The following UGT1A10 variants were observed in gnomAD, a reference collection of about 807,000 sequenced individuals.
The protein encoded by UGT1A10 is UDP-glucuronosyltransferase 1A10.
Under a neutral mutation model 45.8 loss-of-function variants are expected in UGT1A10, and 49 were observed. That is an observed-to-expected ratio of 1.07 (90% confidence interval 0.85 to 1.36). UGT1A10 has a LOEUF of 1.36. Ranked by LOEUF, UGT1A10 falls within the 40% of genes most tolerant of loss-of-function variation. The pLI is 0.00. For missense variants in UGT1A10, 745 were observed against 668.6 expected, an observed-to-expected ratio of 1.11 and a Z score of -1.26; for synonymous variants, 284 against 249.7, an observed-to-expected ratio of 1.14 and a Z score of -1.29.
chr2:233,743,812 G>C (rs1692526779), intron 1 of UGT1A10: 1 of 1,367,182 alleles, frequency 7.3e-7, no homozygotes, highest in African/African-American at 1.5e-5. Flanking sequence ...TGTTCTCAGG[G>C]TTTTTGTCGG....
At chr2:233,724,792 G>T (rs992945436) in intron 1 of UGT1A10, among the ~76,000 whole-genome samples, 1 of 140,672 alleles carries the variant, frequency 7.1e-6, no homozygotes, top group African/African-American at 2.8e-5. Context: ...CTTCCCAGAC[G>T]GGGTGGCGGC....
chr2:233,647,665 T>C (rs2125472036), intron 1 of UGT1A10, among the ~76,000 whole-genome samples: 1 of 152,336 alleles, frequency 6.6e-6, no homozygotes, highest in Non-Finnish European at 1.5e-5. Flanking sequence ...AAGTTGTAGA[T>C]TTTATTGGCA....
intron 1 of UGT1A10, among the ~76,000 whole-genome samples, chr2:233,742,294 T>C (rs1176827830): frequency 3.3e-5 from 5 of 152,006 alleles, no homozygotes; most frequent in African/African-American, 1.2e-4. Context: ...CTATAGATTA[T>C]AGATTAACTA....
intron 1 of UGT1A10, among the ~76,000 whole-genome samples, chr2:233,702,826 A>G (rs1459451929): frequency 1.3e-5 from 2 of 152,202 alleles, no homozygotes; most frequent in African/African-American, 4.8e-5. Context: ...ATTGTGTTGT[A>G]TAATCCTTTT....
intron 1 of UGT1A10, among the ~76,000 whole-genome samples, chr2:233,730,165 G>A (rs142374428): frequency 8.5e-5 from 13 of 152,274 alleles, no homozygotes; most frequent in East Asian, 3.9e-4. Context: ...CTCTAGTAGC[G>A]TATTTCAGGT....
chr2:233,756,202 C>T (rs540523452), intron 1 of UGT1A10: 9 of 152,318 alleles, frequency 5.9e-5, no homozygotes, highest in African/African-American at 1.7e-4. Flanking sequence ...AGAGTAGTCC[C>T]TGGTATTCTG....
At chr2:233,659,476 G>T (rs1013898851) in intron 1 of UGT1A10, among the ~76,000 whole-genome samples, 1 of 152,114 alleles carries the variant, frequency 6.6e-6, no homozygotes, top group Non-Finnish European at 1.5e-5. Flanking sequence ...AAATTTTAGG[G>T]TTGAGAAAAA....
intron 1 of UGT1A10, among the ~76,000 whole-genome samples, chr2:233,739,930 G>GGGGA (rs1270425861): frequency 6.6e-6 from 1 of 151,694 alleles, no homozygotes; most frequent in Non-Finnish European, 1.5e-5. Context: ...ATCCCCATGT[G>GGGGA]TTAAGGTTGG....
chr2:233,661,644 T>TTTCTTTCTTTCTTTCTTTCA (rs2073969586), intron 1 of UGT1A10, among the ~76,000 whole-genome samples: 1 of 144,146 alleles, frequency 6.9e-6, no homozygotes, highest in African/African-American at 2.5e-5. Flanking sequence ...TCTTTCTTTC[T>TTTCTTTCTTTCTTTCTTTCA]TTCTTTCTTT....
intron 1 of UGT1A10, among the ~76,000 whole-genome samples, chr2:233,656,556 C>T (rs184015309): frequency 3.9e-5 from 6 of 152,302 alleles, no homozygotes; most frequent in Non-Finnish European, 7.4e-5. Flanking sequence ...TAAGTGTAGG[C>T]GCCCATGACT....
chr2:233,671,807 ATT>A (rs3832043), intron 1 of UGT1A10: 45 of 1,372,614 alleles, frequency 3.3e-5, no homozygotes, highest in South Asian at 1.7e-4. Context: ...TCAGTGACTG[ATT>A]TTTTTTTTAT....
chr2:233,637,144 T>C lies in UGT1A10; in HGVS notation c.622T>C (p.Trp208Arg), dbSNP rs1227185232. ...SDAMTFKERV[W>R]NHIVHLEDHL... ...TGCCATGACTTTCAAGGAGAGAGTA[T>C]GGAACCACATCGTGCACTTGGAGGA... Residue 208 changes from tryptophan (W) to arginine (R), a missense_variant, in exon 1 of 5, where the codon TGG becomes CGG. Transcript: ENST00000344644. The C allele has an allele frequency of 3.7e-6, 6 of 1,613,840 alleles. No individual in the cohort carries two copies. Among genetic ancestry groups the C allele is most frequent in the African/African-American group, 1.3e-5 (1 of 74,908 alleles).
chr2:233,723,516 CTTTTTT>C (rs1162916866), intron 1 of UGT1A10, among the ~76,000 whole-genome samples: 5 of 85,406 alleles, frequency 5.9e-5, no homozygotes, highest in African/African-American at 2.4e-4. Context: ...GGTCAACAAT[CTTTTTT>C]TTTTTTTTTT....
chr2:233,717,384 C>T (rs1271366561), intron 1 of UGT1A10, among the ~76,000 whole-genome samples: 1 of 152,240 alleles, frequency 6.6e-6, no homozygotes, highest in Non-Finnish European at 1.5e-5. Context: ...CAGACCTGCC[C>T]TCTCTGTGCC....
rs1175463459 is a variant in UGT1A10 at position 233,690,472 on chromosome 2, A to G, written c.855+53095A>G. 6.2e-6 allele frequency: 8 copies of G among 1,289,120 alleles called. No homozygotes were observed. The Admixed American group carries it at 1.6e-4, about 26-fold the overall frequency. The allele number at this position is 1,289,120 out of a possible 1,614,324, so 79.9% of individuals were successfully genotyped here. The stretch of plus-strand genomic sequence containing the variant: ...TCAAAATGCCAGCTATCCTCCATTT[A>G]CTTTTTGGGAAATCTGCTCTTGCCA... On this transcript the variant is annotated intron_variant, in intron 1 of 4. Transcript: ENST00000344644.
intron 1 of UGT1A10, among the ~76,000 whole-genome samples, chr2:233,724,466 G>T (rs1369027656): frequency 2.6e-5 from 2 of 77,260 alleles, no homozygotes; most frequent in African/African-American, 4.9e-5. Context: ...GGGCGGAGGG[G>T]CTCCTCACTT....
Position 233,682,723 on chromosome 2 carries a change from C to T in UGT1A10, c.855+45346C>T, listed in dbSNP as rs574635483. 2.7e-5 allele frequency: 44 copies of T among 1,613,866 alleles called. No homozygotes were observed. The South Asian group carries it at 4.3e-4, about 16-fold the overall frequency. On this transcript the variant is annotated intron_variant, in intron 1 of 4. Coordinates refer to ENST00000344644, the MANE Select transcript of UGT1A10 (RefSeq NM_019075.4). ...GAACTGACTTTGTTTTGGAGTATCC[C>T]AAACCCGTGATGCCCAATATGATCT...
At chr2:233,652,092 T>G (rs1169709189) in intron 1 of UGT1A10, among the ~76,000 whole-genome samples, 3 of 152,196 alleles carry the variant, frequency 2.0e-5, no homozygotes, top group Non-Finnish European at 2.9e-5. Context: ...GGATTACTCT[T>G]TACCATCCAG....
intron 1 of UGT1A10, among the ~76,000 whole-genome samples, chr2:233,705,018 C>A (rs1470386636): frequency 6.6e-6 from 1 of 151,992 alleles, no homozygotes. Flanking sequence ...CGCCTGTAAT[C>A]CCAGCTACTC....
Sources: allele counts gnomAD v4.1 joint callset (sites outside exome capture counted in the v4.1 genomes callset), GRCh38; gene constraint gnomAD v4.1.1; transcripts MANE v1.5; gene names NCBI Gene and HGNC (gene_info 2026-07-23, HGNC 2026-07-21).